Variants in SMIM36 observed in about 807,000 individuals in gnomAD.
SMIM36 encodes small integral membrane protein 36.
chr17:55,451,136 C>T (rs1908908381), intron 4 of SMIM36, among the ~76,000 whole-genome samples: 1 of 152,196 alleles, frequency 6.6e-6, no homozygotes, highest in South Asian at 2.1e-4. Flanking sequence ...CCGCTCTCCT[C>T]AGCCTCCCAA....
At chr17:55,455,261 A>C (rs1049262957) in intron 4 of SMIM36, among the ~76,000 whole-genome samples, 1 of 152,190 alleles carries the variant, frequency 6.6e-6, no homozygotes, top group Non-Finnish European at 1.5e-5. Flanking sequence ...TGTTGTGTAT[A>C]GAGTGTAAAT....
At chr17:55,496,988 G>A (rs1041653926) in intron 1 of SMIM36, among the ~76,000 whole-genome samples, 1 of 152,162 alleles carries the variant, frequency 6.6e-6, no homozygotes, top group African/African-American at 2.4e-5. Context: ...GAGGTGTCTG[G>A]CATTCACTAA....
At chr17:55,455,818 AC>A (rs536046283) in intron 4 of SMIM36, among the ~76,000 whole-genome samples, 45 of 151,370 alleles carry the variant, frequency 3.0e-4, no homozygotes, top group Non-Finnish European at 5.3e-4. Flanking sequence ...AAACAAACAA[AC>A]AAAAACAAAA....
chr17:55,467,853 G>T (rs11079175), intron 3 of SMIM36, among the ~76,000 whole-genome samples: 15 of 151,976 alleles, frequency 9.9e-5, no homozygotes, highest in African/African-American at 1.7e-4. Flanking sequence ...GTGAAAATAG[G>T]CAGTTCCTGC....
chr17:55,479,129 T>A (rs921072159), intron 2 of SMIM36, among the ~76,000 whole-genome samples: 9 of 152,204 alleles, frequency 5.9e-5, no homozygotes, highest in African/African-American at 2.2e-4. Flanking sequence ...ACAGAGGATT[T>A]CTCAGCCTTT....
chr17:55,528,616 G>A, the SMIM36 span, among the ~76,000 whole-genome samples: 9 of 149,364 alleles, frequency 6.0e-5, no homozygotes, highest in African/African-American at 2.0e-4. Context: ...GCAGTGGCAC[G>A]ATCTCGGCTC....
intron 1 of SMIM36, among the ~76,000 whole-genome samples, chr17:55,490,994 C>A (rs1043465268): frequency 1.3e-5 from 2 of 151,882 alleles, no homozygotes; most frequent in Admixed American, 6.6e-5. Context: ...GTGGCTCCCA[C>A]CTGTAATCTC....
At chr17:55,478,124 A>C (rs753897349) in intron 3 of SMIM36, among the ~76,000 whole-genome samples, 2 of 152,076 alleles carry the variant, frequency 1.3e-5, no homozygotes, top group African/African-American at 2.4e-5. Context: ...TTGAGGTTGC[A>C]GTGAGCCGAG....
intron 4 of SMIM36, among the ~76,000 whole-genome samples, chr17:55,452,466 T>G (rs1421810928): frequency 3.3e-5 from 5 of 152,220 alleles, no homozygotes; most frequent in African/African-American, 4.8e-5. Flanking sequence ...TGGGGGATTA[T>G]GACCTCGGCC....
intron 4 of SMIM36, among the ~76,000 whole-genome samples, chr17:55,465,493 T>C (rs907434173): frequency 6.6e-6 from 1 of 152,146 alleles, no homozygotes; most frequent in Admixed American, 6.5e-5. Context: ...ATTATGTCTA[T>C]CTTTAGATAT....
the SMIM36 span, chr17:55,526,864 T>A: frequency 6.6e-6 from 1 of 152,146 alleles, no homozygotes; most frequent in Non-Finnish European, 1.5e-5. Flanking sequence ...TAATAATGCA[T>A]TTGCTGGAAT....
intron 3 of SMIM36, 119 bp downstream of exon 3, chr17:55,478,643 A>G (rs1289739949): frequency 6.6e-6 from 1 of 152,242 alleles, no homozygotes; most frequent in Non-Finnish European, 1.5e-5. Context: ...GGTTCTTGAC[A>G]TGGAATCCTT....
At chr17:55,467,721 C>T (rs947008586) in intron 3 of SMIM36, among the ~76,000 whole-genome samples, 6 of 152,130 alleles carry the variant, frequency 3.9e-5, no homozygotes, top group African/African-American at 1.4e-4. Flanking sequence ...TTGATAAATG[C>T]AGGTTGAGTT....
chr17:55,458,695 C>T (rs936612851), intron 4 of SMIM36, among the ~76,000 whole-genome samples: 2 of 151,936 alleles, frequency 1.3e-5, no homozygotes, highest in Non-Finnish European at 1.5e-5. Context: ...GCCTCCTCTG[C>T]GGCCGAAGAG....
upstream of SMIM36, among the ~76,000 whole-genome samples, chr17:55,515,207 C>G (rs1567874139): frequency 1.5e-5 from 2 of 137,212 alleles, no homozygotes; most frequent in Admixed American, 8.5e-5. Context: ...ATGAACAAAA[C>G]CAAATGCTAG....
chr17:55,464,586 G>C (rs759965385), intron 4 of SMIM36, among the ~76,000 whole-genome samples: 4 of 152,152 alleles, frequency 2.6e-5, no homozygotes, highest in African/African-American at 4.8e-5. Flanking sequence ...CAGAAGGAAA[G>C]TCTTCAACTC....
intron 3 of SMIM36, among the ~76,000 whole-genome samples, chr17:55,469,744 C>A (rs937148621): frequency 6.6e-6 from 1 of 152,122 alleles, no homozygotes; most frequent in African/African-American, 2.4e-5. Flanking sequence ...CTTTGGGAGG[C>A]CGAGGTAGGC....
chr17:55,496,415 G>C (rs1192131743), intron 1 of SMIM36, among the ~76,000 whole-genome samples: 1 of 152,186 alleles, frequency 6.6e-6, no homozygotes, highest in South Asian at 2.1e-4. Context: ...AAAAATATGC[G>C]CAGACAACTT....
intron 1 of SMIM36, among the ~76,000 whole-genome samples, chr17:55,501,061 TTATTATATATTATAATATATAATATAC>T (rs1567870785): frequency 0.011 from 25 of 2,346 alleles, no homozygotes; most frequent in South Asian, 0.024. Context: ...ATATAATATA[TTATTATATATTATAATATATAATATAC>T]TATTATATTT....
Sources: gnomAD v4.1 joint callset for allele counts (sites outside exome capture counted in the v4.1 genomes callset) on GRCh38, gnomAD v4.1.1 for gene constraint, MANE v1.5 for transcripts, NCBI Gene and HGNC (gene_info 2026-07-23, HGNC 2026-07-21) for gene names.